Variants in TMEM200B observed in about 807,000 individuals in gnomAD.
TMEM200B encodes the protein transmembrane protein 200B, also known as transmembrane protein TTMA.
TMEM200B carries 12 observed loss-of-function variants against 17.6 expected under a neutral mutation model. That is an observed-to-expected ratio of 0.68 (90% confidence interval 0.44 to 1.11). The LOEUF is 1.11. TMEM200B is among the 50% of genes least tolerant of loss of function. TMEM200B has a pLI of 0.00. For synonymous variants in TMEM200B, 234 were observed against 209.2 expected (o/e 1.12, Z -1.02); for missense variants, 456 against 447.6 (o/e 1.02, Z -0.17).
rs1258038914 is a variant in TMEM200B, at chr1:29,123,901, G to A, written c.-66C>T. 1 of 152,112 alleles carries A rather than the reference G, an allele frequency of 6.6e-6. No homozygotes were observed. The highest frequency in any genetic ancestry group is 1.5e-5 in the Non-Finnish European group (1 of 67,872). The allele number at this position is 152,112 out of a possible 1,614,324, so 9.4% of individuals were successfully genotyped here. A position where few individuals can be genotyped will look rare whatever the true frequency, so the allele number is the denominator to read the frequency against. On this transcript the variant is annotated 5_prime_UTR_variant, in exon 1 of 2. Coordinates refer to ENST00000521452, the MANE Select transcript of TMEM200B (RefSeq NM_001003682.4). ...GGGTCCGGGTCCCAGTCCGCGCGCG[G>A]AGGCTCCAGAGCCGCCCGGGTCTCC...
In TMEM200B at chr1:29,119,769, A is replaced by G. The variant is rs1379225781; in HGVS notation, c.*1136T>C. The stretch of plus-strand genomic sequence containing the variant: ...CAGCCCCAGGCTGGTTGTTTCTACA[A>G]ATCTCTCTCAAATGTATTATTTTGG... On this transcript the variant is annotated 3_prime_UTR_variant, in exon 2 of 2. Coordinates refer to ENST00000521452, the MANE Select transcript of TMEM200B (RefSeq NM_001003682.4). 1 of 152,682 alleles carries G rather than the reference A, an allele frequency of 6.5e-6. No individual in the cohort carries two copies. The highest frequency in any genetic ancestry group is 2.1e-4 in the South Asian group (1 of 4,834). The allele number at this position is 152,682 out of a possible 1,614,324, so 9.5% of individuals were successfully genotyped here.
Position 29,121,838 on chromosome 1 carries a change from G to A in TMEM200B, c.-10C>T. The A allele has an allele frequency of 1.6e-6, 2 of 1,286,048 alleles. No individual in the cohort carries two copies. Among genetic ancestry groups the A allele is most frequent in the East Asian group, 2.9e-5 (1 of 34,770 alleles). 79.7% of individuals were successfully genotyped at this position (1,286,048 alleles called of 1,614,324 possible). The stretch of plus-strand genomic sequence containing the variant: ...GGCTCCCGGCCGTCATCTCGCCGTC[G>A]TCTGGGCGCTCTGCGGAGAGAAGAT... On this transcript the variant is annotated 5_prime_UTR_variant, in exon 2 of 2. It adds an upstream start codon to the 5' untranslated region. Transcript: ENST00000521452. The surrounding 1 kb of genome is among the most constrained non-coding windows in gnomAD (Gnocchi z 5.6).
rs765578058 is a variant in TMEM200B, at chr1:29,120,487, G to A, written c.*418C>T. ...GGCCCCACACTCCATCACCAGTGCC[G>A]CCTTGGAGGGAGCCTGCCCCAGCCT... On this transcript the variant is annotated 3_prime_UTR_variant, in exon 2 of 2. Coordinates refer to ENST00000521452, the MANE Select transcript of TMEM200B (RefSeq NM_001003682.4). 1.6e-5 allele frequency: 3 copies of A among 187,544 alleles called. No homozygotes were observed. The highest frequency in any genetic ancestry group is 5.3e-5 in the Admixed American group (1 of 18,716). The allele number at this position is 187,544 out of a possible 1,614,324, so 11.6% of individuals were successfully genotyped here. A position where few individuals can be genotyped will look rare whatever the true frequency, so the allele number is the denominator to read the frequency against.
rs1199494682 is a variant in TMEM200B, at chr1:29,121,456, C to T, written c.373G>A (p.Gly125Ser). The change falls in exon 2 of 2, where the codon GGC (glycine) becomes AGC (serine). Residue 125 changes from glycine to serine, a missense_variant. By Grantham distance (56) the Gly-to-Ser change is moderately conservative. Coordinates refer to ENST00000521452, the MANE Select transcript of TMEM200B (RefSeq NM_001003682.4). The surrounding 1 kb of genome is among the most constrained non-coding windows in gnomAD (Gnocchi z 5.6). ...RLLGPVIMGV[G>S]LFVFICANTL... The stretch of plus-strand genomic sequence containing the variant: ...TTGGCGCAGATGAACACGAACAGGC[C>T]GACGCCCATGATCACCGGCCCGAGG... The T allele has an allele frequency of 1.3e-6, 2 of 1,533,700 alleles. No homozygotes were observed. The highest frequency in any genetic ancestry group is 1.2e-5 in the South Asian group (1 of 84,036).
rs774096875 is a variant in TMEM200B at position 29,121,834 on chromosome 1, C to T, written c.-6G>A. ...TCGGGGCTCCCGGCCGTCATCTCGC[C>T]GTCGTCTGGGCGCTCTGCGGAGAGA... On this transcript the variant is annotated 5_prime_UTR_variant, in exon 2 of 2. Coordinates refer to ENST00000521452, the MANE Select transcript of TMEM200B (RefSeq NM_001003682.4). This position sits in a 1 kb window ranked among gnomAD's most constrained non-coding sequence, Gnocchi z 5.6. 1.6e-6 allele frequency: 2 copies of T among 1,287,500 alleles called. No individual in the cohort carries two copies. The highest frequency in any genetic ancestry group is 3.0e-5 in the African/African-American group (2 of 65,848). 79.8% of individuals were successfully genotyped at this position (1,287,500 alleles called of 1,614,324 possible).
At chr1:29,123,782 AG>A in intron 1 of TMEM200B, 73 bp downstream of exon 1, 1 of 140,524 alleles carries the variant, frequency 7.1e-6, no homozygotes, top group Non-Finnish European at 1.6e-5. Context: ...CGAGGGAGGG[AG>A]GGAGGGAGGG....
Position 29,121,939 on chromosome 1 carries a change from C to T in TMEM200B, c.-20-91G>A. 1 of 996,374 alleles carries T rather than the reference C, an allele frequency of 1.0e-6. No homozygotes were observed. The highest frequency in any genetic ancestry group is 1.2e-6 in the Non-Finnish European group (1 of 805,294). The allele number at this position is 996,374 out of a possible 1,614,324, so 61.7% of individuals were successfully genotyped here. A position where few individuals can be genotyped will look rare whatever the true frequency, so the allele number is the denominator to read the frequency against. ...GGGGCGCAAATCCGGGAGGGAAGCT[C>T]CGGCCGCCCAGCCCAGGCCGCTTGG... On this transcript the variant is annotated intron_variant, in intron 1 of 1. Coordinates refer to ENST00000521452, the MANE Select transcript of TMEM200B (RefSeq NM_001003682.4). The surrounding 1 kb of genome is among the most constrained non-coding windows in gnomAD (Gnocchi z 5.6).
rs1057063993 is a variant in TMEM200B, at chr1:29,123,868, C to G, written c.-33G>C. The stretch of plus-strand genomic sequence containing the variant: ...CAGCTCGGCTCACCTGGCGCCGCAG[C>G]GCCGCGCGGGTCCGGGTCCCAGTCC... On this transcript the variant is annotated 5_prime_UTR_variant, in exon 1 of 2. Transcript: ENST00000521452. The G allele has an allele frequency of 2.6e-5, 4 of 151,914 alleles. No homozygotes were observed. The highest frequency in any genetic ancestry group is 4.4e-5 in the Non-Finnish European group (3 of 67,920). The allele number at this position is 151,914 out of a possible 1,614,324, so 9.4% of individuals were successfully genotyped here.
Position 29,121,244 on chromosome 1 carries a change from C to T in TMEM200B, c.585G>A (p.Arg195=), listed in dbSNP as rs1277733402. 2 of 1,612,346 alleles carry T rather than the reference C, an allele frequency of 1.2e-6. No homozygotes were observed. The highest frequency in any genetic ancestry group is 1.7e-5 in the Admixed American group (1 of 59,930). The change falls in exon 2 of 2, where the codon CGG becomes CGA. Residue 195 remains arginine (R), a synonymous_variant. Transcript: ENST00000521452. The surrounding 1 kb of genome is among the most constrained non-coding windows in gnomAD (Gnocchi z 5.6). ...GCACTGACGGGACGGGTGAAGTACC[C>T]CGACGCGGGGACGGGTCCCAGATTT... ...EPEIWDPSPR[R]GTSPVPSVRS... is the part of the protein sequence containing the mutation.
rs1671783711 is a variant in TMEM200B at position 29,121,562 on chromosome 1, G to A, written c.267C>T (p.Ala89=). ...GCAGCTCGCTCATCTGGGGCGAGCT[G>A]GCATTGGCGGCCCGGGACCCTGGGG... ...AGAPGSRAAN[A]SSPQMSELRR... is the part of the protein sequence containing the mutation. Residue 89 remains alanine (A), a synonymous_variant, in exon 2 of 2, where the codon GCC becomes GCT. Transcript: ENST00000521452. This position sits in a 1 kb window ranked among gnomAD's most constrained non-coding sequence, Gnocchi z 5.6. The A allele has an allele frequency of 6.6e-7, 1 of 1,503,868 alleles. No homozygotes were observed. The highest frequency in any genetic ancestry group is 8.8e-7 in the Non-Finnish European group (1 of 1,135,740). 93.2% of individuals were successfully genotyped at this position (1,503,868 alleles called of 1,614,324 possible).
chr1:29,122,863 C>G (rs1354628994), intron 1 of TMEM200B, among the ~76,000 whole-genome samples: 7 of 152,264 alleles, frequency 4.6e-5, no homozygotes, highest in Non-Finnish European at 4.4e-5. Context: ...TAAGCCCTCC[C>G]GATTGCTGGC....
rs1361920675 is a variant in TMEM200B at position 29,121,630 on chromosome 1, T to G, written c.199A>C (p.Met67Leu). The change falls in exon 2 of 2, where the codon ATG (methionine) becomes CTG (leucine). Residue 67 changes from methionine (M) to leucine (L), a missense_variant. Transcript: ENST00000521452. This position sits in a 1 kb window ranked among gnomAD's most constrained non-coding sequence, Gnocchi z 5.6. ...ALGALVVLVG[M>L]GIAVAGYWPH... ...CAGTAGCCGGCCACTGCAATGCCCA[T>G]ACCCACCAGTACCACGAGCGCCCCC... is the stretch of plus-strand genomic sequence containing the variant. 2.0e-6 allele frequency: 3 copies of G among 1,470,698 alleles called. No homozygotes were observed. Among genetic ancestry groups the G allele is most frequent in the African/African-American group, 3.0e-5 (2 of 67,370 alleles). 91.1% of individuals were successfully genotyped at this position (1,470,698 alleles called of 1,614,324 possible). A position where few individuals can be genotyped will look rare whatever the true frequency, so the allele number is the denominator to read the frequency against.
rs1309763643 is a variant in TMEM200B at position 29,121,296 on chromosome 1, G to T, written c.533C>A (p.Pro178His). The change falls in exon 2 of 2, where the codon CCC (proline) becomes CAC (histidine). Residue 178 changes from proline to histidine, a missense_variant. Coordinates refer to ENST00000521452, the MANE Select transcript of TMEM200B (RefSeq NM_001003682.4). This position sits in a 1 kb window ranked among gnomAD's most constrained non-coding sequence, Gnocchi z 5.6. Reference protein sequence around the residue: ...ALLPSPGPRSPRAVGCAEPEI... With the variant: ...ALLPSPGPRSHRAVGCAEPEI... ...TGGCTCTGCGCAGCCTACGGCTCGG[G>T]GACTCCTAGGGCCGGGGCTGGGAAG... 6.2e-6 allele frequency: 10 copies of T among 1,604,288 alleles called. 1 individual carries two copies. The African/African-American group carries it at 8.0e-5, about 13-fold the overall frequency.
intron 1 of TMEM200B, among the ~76,000 whole-genome samples, chr1:29,123,291 C>T (rs1671880095): frequency 6.6e-6 from 1 of 152,208 alleles, no homozygotes; most frequent in African/African-American, 2.4e-5. Context: ...ACTGCCCGAC[C>T]CCGCACTAGG....
intron 1 of TMEM200B, among the ~76,000 whole-genome samples, chr1:29,122,169 G>T (rs947452747): frequency 1.3e-5 from 2 of 152,152 alleles, no homozygotes; most frequent in Non-Finnish European, 2.9e-5. Flanking sequence ...CGTCCGGTCC[G>T]CAAGCCCGCG....
rs1574162629 is a variant in TMEM200B at position 29,119,929 on chromosome 1, TAATC to T, written c.*972_*975del. On this transcript the variant is annotated 3_prime_UTR_variant, in exon 2 of 2. Coordinates refer to ENST00000521452, the MANE Select transcript of TMEM200B (RefSeq NM_001003682.4). ...CAGAATCTTTAGACTACACAGGCAA[TAATC>T]AAGTCTGCTGTTTTGGCCTTTCGTA... The T allele has an allele frequency of 6.6e-6, 1 of 152,660 alleles. No individual in the cohort carries two copies. The highest frequency in any genetic ancestry group is 1.5e-5 in the Non-Finnish European group (1 of 68,038). 9.5% of individuals were successfully genotyped at this position (152,660 alleles called of 1,614,324 possible).
In TMEM200B at chr1:29,121,984, C is replaced by A; in HGVS notation, c.-20-136G>T. 1 of 648,724 alleles carries A rather than the reference C, an allele frequency of 1.5e-6. No homozygotes were observed. Among genetic ancestry groups the A allele is most frequent in the Non-Finnish European group, 2.1e-6 (1 of 483,352 alleles). The allele number at this position is 648,724 out of a possible 1,614,324, so 40.2% of individuals were successfully genotyped here. On this transcript the variant is annotated intron_variant, in intron 1 of 1. Transcript: ENST00000521452. The surrounding 1 kb of genome is among the most constrained non-coding windows in gnomAD (Gnocchi z 5.6). Reference sequence around the variant, plus strand: ...GCTTGGAGATCCCTGGCGGCCACCCCCGGATTTTCCCGGGCGGCGAGGCGG... The same window carrying A: ...GCTTGGAGATCCCTGGCGGCCACCCACGGATTTTCCCGGGCGGCGAGGCGG...
At position 29,119,825 on chromosome 1, in the gene TMEM200B, T is replaced by C. The variant is rs1323195350; in HGVS notation, c.*1080A>G. The C allele has an allele frequency of 6.5e-6, 1 of 152,672 alleles. No individual in the cohort carries two copies. Among genetic ancestry groups the C allele is most frequent in the Non-Finnish European group, 1.5e-5 (1 of 68,048 alleles). The allele number at this position is 152,672 out of a possible 1,614,324, so 9.5% of individuals were successfully genotyped here. On this transcript the variant is annotated 3_prime_UTR_variant, in exon 2 of 2. Transcript: ENST00000521452. ...AAAATGAAGGAGCTTTGTAAATTTTTTTTAAAATTATGAATCATATCAAGT... is the reference window on the plus strand; with the variant it reads ...AAAATGAAGGAGCTTTGTAAATTTTCTTTAAAATTATGAATCATATCAAGT...
At position 29,121,392 on chromosome 1, in the gene TMEM200B, C is replaced by G; in HGVS notation, c.437G>C (p.Arg146Pro). 1.9e-6 allele frequency: 3 copies of G among 1,544,082 alleles called. No individual in the cohort carries two copies. The highest frequency in any genetic ancestry group is 2.6e-6 in the Non-Finnish European group (3 of 1,148,168). Residue 146 changes from arginine to proline, a missense_variant, in exon 2 of 2, where the codon CGG (arginine) becomes CCG (proline). By Grantham distance (103) the Arg-to-Pro change is moderately radical (BLOSUM62 -2). Transcript: ENST00000521452. The surrounding 1 kb of genome is among the most constrained non-coding windows in gnomAD (Gnocchi z 5.6). ...GGCCCGCAGCACCCCCTGGCGGAGC[C>G]GTCGCGTCTCCAAGTCTCGGTTCTC... The part of the protein sequence containing the change: ...LYENRDLETR[R>P]LRQGVLRAQA...
Sources: allele counts gnomAD v4.1 joint callset (sites outside exome capture counted in the v4.1 genomes callset), GRCh38; gene constraint gnomAD v4.1.1; non-coding constraint Gnocchi (gnomAD v3.1); transcripts MANE v1.5; gene names NCBI Gene and HGNC (gene_info 2026-07-23, HGNC 2026-07-21).